The following ELF4 variants were observed in gnomAD, a reference collection of about 807,000 sequenced individuals.
The protein encoded by ELF4 is E74 like ETS transcription factor 4.
In ELF4, 10 loss-of-function variants were observed where a neutral mutation model predicts 31.7. The observed-to-expected ratio is 0.32, with a 90% CI of 0.19 to 0.54. ELF4 has a LOEUF of 0.54. ELF4 is among the 20% of genes least tolerant of loss of function. The pLI is 0.95. For synonymous variants in ELF4, 208 were observed against 226.7 expected (o/e 0.92, Z 0.74); for missense variants, 418 against 522.0 (o/e 0.80, Z 1.94).
intron 1 of ELF4, among the ~76,000 whole-genome samples, chrX:130,090,577 A>C (rs1381129628): frequency 9.1e-6 from 1 of 110,085 alleles, no homozygotes. Context: ...AGCAAATGTC[A>C]CCTTCTTTTC....
chrX:130,075,286 T>C (rs1603201553), intron 2 of ELF4, among the ~76,000 whole-genome samples: 2 of 104,232 alleles, frequency 1.9e-5, no homozygotes, highest in Admixed American at 2.0e-4. Flanking sequence ...AGCTTTTTTT[T>C]TTTTTTTTGA....
At position 130,069,381 on chromosome X, in the gene ELF4, G is replaced by A. The variant is rs770969173; in HGVS notation, c.1106C>T (p.Ser369Leu). 9.1e-6 allele frequency: 11 copies of A among 1,212,083 alleles called. No individual in the cohort carries two copies. The highest frequency in any genetic ancestry group is 1.2e-5 in the Non-Finnish European group (11 of 895,576). ...QPSASLELGP[S>L]LDEEIPTTST... ...GGTAGTGGGGATCTCCTCGTCTAGC[G>A]ACGGTCCCAATTCCAGACTCGCAGA... Residue 369 changes from serine (S) to leucine (L), a missense_variant, in exon 8 of 9, where the codon TCG becomes TTG. Ser to Leu is a moderately radical substitution (Grantham distance 145). This residue lies in a region of ELF4 where 260 missense variants were observed against 269.2 expected (regional missense o/e 0.97). Coordinates refer to ENST00000308167, the MANE Select transcript of ELF4 (RefSeq NM_001421.4).
chrX:130,073,467 A>G (rs1932806084), intron 4 of ELF4, among the ~76,000 whole-genome samples: 1 of 112,087 alleles, frequency 8.9e-6, no homozygotes, highest in African/African-American at 3.2e-5. Context: ...GAGGGGCCTG[A>G]GAAAGGCACC....
At chrX:130,092,755 C>T (rs1414973483) in intron 1 of ELF4, among the ~76,000 whole-genome samples, 1 of 111,397 alleles carries the variant, frequency 9.0e-6, no homozygotes, top group Non-Finnish European at 1.9e-5. Flanking sequence ...GGTTAGTTCA[C>T]TGGGGCAGAT....
intron 1 of ELF4, among the ~76,000 whole-genome samples, chrX:130,109,242 C>G (rs1043906453): frequency 1.8e-5 from 2 of 112,195 alleles, no homozygotes; most frequent in African/African-American, 6.5e-5. Context: ...AGTGGTGGTT[C>G]AGGCCCTGGG....
intron 8 of ELF4, among the ~76,000 whole-genome samples, chrX:130,068,610 A>G (rs974521036): frequency 2.7e-5 from 3 of 112,684 alleles, no homozygotes; most frequent in Admixed American, 9.3e-5. Context: ...CTTCTCAGGG[A>G]AAATCGGAGG....
chrX:130,109,494 G>T (rs774534854), intron 1 of ELF4, among the ~76,000 whole-genome samples: 11 of 112,899 alleles, frequency 9.7e-5, no homozygotes, highest in Non-Finnish European at 1.7e-4. Context: ...AAATCCCTCA[G>T]CTGGGGTATG....
chrX:130,075,843 T>A (rs776969600), intron 2 of ELF4, among the ~76,000 whole-genome samples: 2 of 111,330 alleles, frequency 1.8e-5, no homozygotes. Flanking sequence ...ACAGAGGCAT[T>A]ATAGAAGTAG....
At chrX:130,070,632 C>T (rs1236898978) in intron 7 of ELF4, among the ~76,000 whole-genome samples, 1 of 104,110 alleles carries the variant, frequency 9.6e-6, no homozygotes, top group Admixed American at 1.0e-4. Context: ...ATTAGCTGAG[C>T]GTGGTGGCAT....
chrX:130,097,626 C>T (rs1301360906), intron 1 of ELF4, among the ~76,000 whole-genome samples: 1 of 112,128 alleles, frequency 8.9e-6, no homozygotes, highest in East Asian at 2.8e-4. Context: ...TTCAAATTCT[C>T]TATGACAATC....
rs757114653 is a variant in ELF4 at position 130,071,355 on chromosome X, C to T, written c.597G>A (p.Lys199=). The change falls in exon 6 of 9, where the codon AAG becomes AAA. Residue 199 remains lysine, a synonymous_variant. Coordinates refer to ENST00000308167, the MANE Select transcript of ELF4 (RefSeq NM_001421.4). ...CCATACCTTTGCCATCCTTTGATTTCTTCCTAATGGGGATGCTGGGGTCAG... is the reference window on the plus strand; with the variant it reads ...CCATACCTTTGCCATCCTTTGATTTTTTCCTAATGGGGATGCTGGGGTCAG... ...PVTDPSIPIR[K]KSKDGKGSTI... 1.7e-6 allele frequency: 2 copies of T among 1,212,027 alleles called. No individual in the cohort carries two copies. The highest frequency in any genetic ancestry group is 3.5e-5 in the South Asian group (2 of 57,015).
intron 8 of ELF4, among the ~76,000 whole-genome samples, chrX:130,068,320 T>C (rs991581626): frequency 8.9e-6 from 1 of 112,076 alleles, no homozygotes; most frequent in Admixed American, 9.4e-5. Context: ...TATCCTTTGA[T>C]TTCTTCCAAG....
intron 1 of ELF4, among the ~76,000 whole-genome samples, chrX:130,099,768 A>G (rs1272005075): frequency 1.8e-5 from 2 of 109,850 alleles, no homozygotes; most frequent in Non-Finnish European, 3.8e-5. Flanking sequence ...CCTCCCAAGT[A>G]TCTGGGATTA....
intron 2 of ELF4, among the ~76,000 whole-genome samples, chrX:130,074,982 T>C (rs1932820071): frequency 9.0e-6 from 1 of 110,503 alleles, no homozygotes; most frequent in African/African-American, 3.3e-5. Flanking sequence ...CATTTTTTTT[T>C]TTTTGAGATA....
intron 2 of ELF4, among the ~76,000 whole-genome samples, chrX:130,078,625 T>C (rs1932855873): frequency 1.8e-5 from 2 of 110,545 alleles, no homozygotes; most frequent in Admixed American, 9.6e-5. Context: ...GGCATGGTGA[T>C]GCACGCCTGT....
At chrX:130,110,204 G>C (rs1184174502) in intron 1 of ELF4, 121 bp downstream of exon 1, 11 of 111,201 alleles carry the variant, frequency 9.9e-5, no homozygotes, top group African/African-American at 3.6e-4. Context: ...GACACTCCGC[G>C]ACTCTCCCGC....
At chrX:130,077,654 C>T (rs1237567306) in intron 2 of ELF4, among the ~76,000 whole-genome samples, 1 of 112,351 alleles carries the variant, frequency 8.9e-6, no homozygotes, top group Admixed American at 9.5e-5. Flanking sequence ...GGGCTTGAGA[C>T]CAAACTCTGC....
intron 1 of ELF4, among the ~76,000 whole-genome samples, chrX:130,104,123 G>A (rs1320651674): frequency 1.2e-4 from 8 of 67,045 alleles, no homozygotes; most frequent in Non-Finnish European, 2.1e-4. Context: ...GGAGTACAAC[G>A]TTAGGCCTCT....
At chrX:130,101,848 A>C (rs978150923) in intron 1 of ELF4, among the ~76,000 whole-genome samples, 8 of 111,058 alleles carry the variant, frequency 7.2e-5, no homozygotes, top group African/African-American at 2.6e-4. Flanking sequence ...AAACAAAAAC[A>C]AGGCCAGACT....
Sources: gnomAD v4.1 joint callset for allele counts (sites outside exome capture counted in the v4.1 genomes callset) on GRCh38, gnomAD v4.1.1 for gene constraint, gnomAD v4.1.1 regional missense constraint, MANE v1.5 for transcripts, NCBI Gene and HGNC (gene_info 2026-07-23, HGNC 2026-07-21) for gene names.